The following CBLN2 variants were observed in gnomAD, a reference collection of about 807,000 sequenced individuals.
CBLN2 encodes the protein cerebellin-2.
CBLN2 carries 7 observed loss-of-function variants against 15.0 expected under a neutral mutation model. The ratio of observed to expected loss-of-function variants is 0.47; its 90% CI spans 0.27 to 0.88. The LOEUF is 0.88. CBLN2 is among the 40% of genes least tolerant of loss of function. CBLN2 has a pLI of 0.14. For missense variants in CBLN2, 242 were observed against 304.5 expected (o/e 0.79, Z 1.53); for synonymous variants, 149 against 135.2 (o/e 1.10, Z -0.71).
chr18:72,560,657 G>T (rs1339045055), intron 1 of CBLN2, among the ~76,000 whole-genome samples: 9 of 152,148 alleles, frequency 5.9e-5, no homozygotes, highest in Non-Finnish European at 2.9e-5. Context: ...AAAGTTCGCT[G>T]ATCTCTATTC....
At chr18:72,562,637 T>C (rs1038280490) in intron 1 of CBLN2, among the ~76,000 whole-genome samples, 4 of 152,224 alleles carry the variant, frequency 2.6e-5, no homozygotes, top group Non-Finnish European at 4.4e-5. Flanking sequence ...ACTTTTATTT[T>C]AAACCCGGAT....
chr18:72,618,888 T>G (rs1599026067), intron 1 of CBLN2: 2 of 726,404 alleles, frequency 2.8e-6, no homozygotes, highest in East Asian at 5.3e-5. Flanking sequence ...GTCATGGAGG[T>G]GGCTTTGGTG....
chr18:72,568,807 C>T (rs937802819), intron 1 of CBLN2, among the ~76,000 whole-genome samples: 6 of 151,992 alleles, frequency 3.9e-5, no homozygotes, highest in Admixed American at 3.9e-4. Context: ...TTGGCAAGTG[C>T]TACAATGCAG....
intron 1 of CBLN2, among the ~76,000 whole-genome samples, chr18:72,555,071 G>A (rs540524131): frequency 6.6e-6 from 1 of 150,976 alleles, no homozygotes; most frequent in South Asian, 2.1e-4. Context: ...GGAGGTGGAG[G>A]TTGCAGTGAG....
At chr18:72,610,058 C>T (rs367929154) in intron 1 of CBLN2, among the ~76,000 whole-genome samples, 1 of 152,194 alleles carries the variant, frequency 6.6e-6, no homozygotes, top group Non-Finnish European at 1.5e-5. Context: ...GCCACCCACA[C>T]TTTTGCAGGC....
chr18:72,637,597 G>GC lies in CBLN2; in HGVS notation c.15+727dup, dbSNP rs1199271978. ...CAACACAATCACTGTGGCTCTGTGA[G>GC]CCCCCGAGTTATGTGCTATTTTCCA... On this transcript the variant is annotated intron_variant, in intron 1 of 2. Transcript: ENST00000581073. 2.0e-5 allele frequency among the ~76,000 whole-genome samples: 3 copies of GC among 152,172 alleles called. No individual in the cohort carries two copies. The East Asian group carries it at 5.8e-4, about 29-fold the overall frequency.
At chr18:72,614,108 A>G (rs1346646903) in intron 1 of CBLN2, among the ~76,000 whole-genome samples, 2 of 152,186 alleles carry the variant, frequency 1.3e-5, no homozygotes, top group African/African-American at 4.8e-5. Flanking sequence ...CATAACTGAT[A>G]TCCTCAAAGG....
intron 3 of CBLN2, chr18:72,539,417 C>T (rs968879384): frequency 2.6e-5 from 4 of 152,318 alleles, no homozygotes; most frequent in African/African-American, 9.6e-5. Context: ...GAATGAAAGA[C>T]CTTTGTAGAA....
At chr18:72,618,062 T>C (rs543537416) in intron 1 of CBLN2, among the ~76,000 whole-genome samples, 1 of 152,334 alleles carries the variant, frequency 6.6e-6, no homozygotes, top group African/African-American at 2.4e-5. Context: ...GATTTTCAAG[T>C]AGAGTTTGAG....
At chr18:72,553,416 A>G (rs977618729) in intron 1 of CBLN2, among the ~76,000 whole-genome samples, 4 of 152,074 alleles carry the variant, frequency 2.6e-5, no homozygotes, top group Non-Finnish European at 5.9e-5. Context: ...AAAATAGTAA[A>G]TATCCCAACA....
intron 1 of CBLN2, among the ~76,000 whole-genome samples, chr18:72,550,769 G>A (rs2069187043): frequency 6.6e-6 from 1 of 151,254 alleles, no homozygotes; most frequent in East Asian, 1.9e-4. Flanking sequence ...TGAATATTAA[G>A]TATTAAATTA....
chr18:72,638,265 G>A (rs889957689), intron 1 of CBLN2: 6 of 398,350 alleles, frequency 1.5e-5, no homozygotes, highest in African/African-American at 1.0e-4. Flanking sequence ...GTCTTTGGGA[G>A]CTGACCTTTG....
chr18:72,552,462 A>G (rs1231229046), intron 1 of CBLN2: 1 of 152,132 alleles, frequency 6.6e-6, no homozygotes, highest in Non-Finnish European at 1.5e-5. Context: ...ATTTTTTCAA[A>G]ATACATAAAA....
intron 1 of CBLN2, among the ~76,000 whole-genome samples, chr18:72,619,879 T>C (rs2069688315): frequency 6.6e-6 from 1 of 152,250 alleles, no homozygotes. Flanking sequence ...AGTCCACCCA[T>C]GTCTAACCCT....
chr18:72,538,623 CT>C, intron 4 of CBLN2, 29 bp downstream of exon 4: 1 of 1,612,492 alleles, frequency 6.2e-7, no homozygotes, highest in Non-Finnish European at 8.5e-7. Flanking sequence ...TAACTCAAAC[CT>C]GAAAGGATCC....
At chr18:72,635,574 A>G (rs1214640604) in intron 1 of CBLN2, among the ~76,000 whole-genome samples, 1 of 152,182 alleles carries the variant, frequency 6.6e-6, no homozygotes, top group Non-Finnish European at 1.5e-5. Flanking sequence ...TGTGGAGCAG[A>G]CATTTTTAGA....
intron 1 of CBLN2, among the ~76,000 whole-genome samples, chr18:72,609,028 A>G (rs1286550000): frequency 6.6e-6 from 1 of 152,208 alleles, no homozygotes; most frequent in Non-Finnish European, 1.5e-5. Context: ...CCCAGCTTTG[A>G]CATGGGTATT....
chr18:72,581,054 C>G (rs747511764), intron 1 of CBLN2, among the ~76,000 whole-genome samples: 1 of 152,144 alleles, frequency 6.6e-6, no homozygotes, highest in African/African-American at 2.4e-5. Flanking sequence ...TGCAAGAAAC[C>G]TCTTAGGTCA....
At chr18:72,608,670 A>G (rs1421328067) in intron 1 of CBLN2, among the ~76,000 whole-genome samples, 2 of 152,206 alleles carry the variant, frequency 1.3e-5, no homozygotes, top group African/African-American at 4.8e-5. Flanking sequence ...CAAAGTGGGA[A>G]GTGATTGTGA....
Sources: gnomAD v4.1 joint callset for allele counts (sites outside exome capture counted in the v4.1 genomes callset) on GRCh38, gnomAD v4.1.1 for gene constraint, MANE v1.5 for transcripts, NCBI Gene and HGNC (gene_info 2026-07-23, HGNC 2026-07-21) for gene names.